Variants in HIKESHI observed in about 807,000 individuals in gnomAD.
HIKESHI encodes the protein heat shock protein nuclear import factor hikeshi.
A neutral mutation model predicts 25.7 loss-of-function variants in HIKESHI; 13 were observed. That is an observed-to-expected ratio of 0.51 (90% CI 0.33 to 0.80). The LOEUF (loss-of-function observed/expected upper bound fraction) is 0.80. Among genes scored for constraint, HIKESHI ranks in the 30% least tolerant of loss-of-function variants. The pLI is 0.02. For synonymous variants in HIKESHI, 76 were observed against 78.7 expected, an observed-to-expected ratio of 0.97 and a Z score of 0.18; for missense variants, 174 against 229.5, an observed-to-expected ratio of 0.76 and a Z score of 1.56.
chr11:86,340,865 G>A (rs1030167847), intron 3 of HIKESHI, among the ~76,000 whole-genome samples: 5 of 152,074 alleles, frequency 3.3e-5, no homozygotes, highest in African/African-American at 7.2e-5. Flanking sequence ...GGCTGGTCTT[G>A]AACTCCTGAC....
rs71040229 is a variant in HIKESHI, at chr11:86,316,771, C to CTTTTTTTTTTTT, written c.268+10318_268+10329dup. Among the ~76,000 whole-genome samples, 65 of 68,782 alleles carry CTTTTTTTTTTTT rather than the reference C, an allele frequency of 9.5e-4. 12 individuals are homozygous for CTTTTTTTTTTTT. Among genetic ancestry groups the CTTTTTTTTTTTT allele is most frequent in the Non-Finnish European group, 1.3e-3 (50 of 37,480 alleles). 45.1% of individuals were successfully genotyped at this position (68,782 alleles called of 152,430 possible). A position where few individuals can be genotyped will look rare whatever the true frequency, so the allele number is the denominator to read the frequency against. On this transcript the variant is annotated intron_variant, in intron 2 of 4. Transcript: ENST00000278483. ...TTATGAGTAATGAATCTGAAACATT[C>CTTTTTTTTTTTT]TTTTTTTTTTTTTTTTTTTTTTTTT... is the stretch of plus-strand genomic sequence containing the variant.
intron 1 of HIKESHI, 102 bp downstream of exon 1, chr11:86,302,580 C>CCCAAA: frequency 7.2e-7 from 1 of 1,385,230 alleles, no homozygotes; most frequent in Non-Finnish European, 9.9e-7. Context: ...GGGAAGCCCA[C>CCCAAA]TTATTATATT....
chr11:86,315,339 T>TTGA (rs1565726033), intron 2 of HIKESHI, among the ~76,000 whole-genome samples: 3 of 151,598 alleles, frequency 2.0e-5, no homozygotes, highest in African/African-American at 4.8e-5. Context: ...TTTTTTTTTT[T>TTGA]GAGTCAGTTT....
intron 2 of HIKESHI, among the ~76,000 whole-genome samples, chr11:86,331,222 G>A (rs553247839): frequency 3.3e-5 from 5 of 152,276 alleles, no homozygotes; most frequent in Admixed American, 2.6e-4. Context: ...AGGTGCAGTG[G>A]CTCACGCTTG....
intron 2 of HIKESHI, among the ~76,000 whole-genome samples, chr11:86,314,943 A>C (rs115014387): frequency 1.6e-3 from 248 of 152,302 alleles, no homozygotes; most frequent in African/African-American, 5.4e-3. Context: ...TAAGTTCCCA[A>C]ATGTTTGTGT....
intron 3 of HIKESHI, among the ~76,000 whole-genome samples, chr11:86,338,863 C>A (rs185213562): frequency 6.6e-6 from 1 of 151,894 alleles, no homozygotes; most frequent in Non-Finnish European, 1.5e-5. Context: ...AAATGTTATC[C>A]CTGGAGAAGG....
At chr11:86,341,342 T>C (rs995652313) in intron 3 of HIKESHI, among the ~76,000 whole-genome samples, 17 of 92,610 alleles carry the variant, frequency 1.8e-4, no homozygotes, top group African/African-American at 6.7e-4. Context: ...TAATTTTTCA[T>C]TTTTCCTCAT....
chr11:86,320,674 T>C (rs1947123347), intron 2 of HIKESHI, among the ~76,000 whole-genome samples: 1 of 152,236 alleles, frequency 6.6e-6, no homozygotes, highest in African/African-American at 2.4e-5. Flanking sequence ...ATTTGAAGTG[T>C]ACAGTTTGAT....
chr11:86,339,855 C>T (rs535738071), intron 3 of HIKESHI, among the ~76,000 whole-genome samples: 4 of 152,200 alleles, frequency 2.6e-5, no homozygotes, highest in Non-Finnish European at 5.9e-5. Context: ...ATTAACTCGT[C>T]ATTTACATTA....
chr11:86,334,471 T>G (rs1947496997), intron 2 of HIKESHI, among the ~76,000 whole-genome samples: 1 of 152,164 alleles, frequency 6.6e-6, no homozygotes, highest in African/African-American at 2.4e-5. Flanking sequence ...AACAGTGTTT[T>G]AAAGAACTTG....
At chr11:86,330,565 T>C (rs560805767) in intron 2 of HIKESHI, among the ~76,000 whole-genome samples, 4 of 152,304 alleles carry the variant, frequency 2.6e-5, no homozygotes, top group Non-Finnish European at 4.4e-5. Flanking sequence ...CTCACTTTTA[T>C]TTTGATTTAA....
chr11:86,335,420 T>C (rs1373431906), intron 2 of HIKESHI, among the ~76,000 whole-genome samples: 1 of 152,194 alleles, frequency 6.6e-6, no homozygotes, highest in Non-Finnish European at 1.5e-5. Flanking sequence ...TGAAATTCTC[T>C]GACATATTCT....
intron 2 of HIKESHI, chr11:86,326,781 A>G (rs1947292919): frequency 6.9e-6 from 2 of 291,376 alleles, no homozygotes; most frequent in Non-Finnish European, 1.4e-5. Flanking sequence ...GACAGTGAGG[A>G]GGAGACTTTT....
At chr11:86,322,471 GTATA>G (rs1342743828) in intron 2 of HIKESHI, among the ~76,000 whole-genome samples, 1 of 151,950 alleles carries the variant, frequency 6.6e-6, no homozygotes, top group South Asian at 2.1e-4. Flanking sequence ...ATGTACATGT[GTATA>G]TATATTCTTG....
At chr11:86,315,960 C>T (rs1593825572) in intron 2 of HIKESHI, among the ~76,000 whole-genome samples, 1 of 151,896 alleles carries the variant, frequency 6.6e-6, no homozygotes, top group East Asian at 1.9e-4. Context: ...TATTGATTCT[C>T]CTTACAAGTA....
intron 4 of HIKESHI, chr11:86,345,043 T>C: frequency 1.2e-6 from 1 of 809,440 alleles, no homozygotes; most frequent in Non-Finnish European, 1.6e-6. Flanking sequence ...TACTGCACTG[T>C]GTACATGAAT....
At position 86,315,075 on chromosome 11, in the gene HIKESHI, T is replaced by C. The variant is rs564186979; in HGVS notation, c.268+8593T>C. Among the ~76,000 whole-genome samples the C allele has an allele frequency of 2.0e-5, 3 of 152,362 alleles. No homozygotes were observed. The South Asian group carries it at 6.2e-4, about 32-fold the overall frequency. On this transcript the variant is annotated intron_variant, in intron 2 of 4. Transcript: ENST00000278483. ...TAAGATGGTAGTGTCTCTTAAATCA[T>C]TTTTTATTCTTCGCTTTGGTTGTGC...
intron 2 of HIKESHI, among the ~76,000 whole-genome samples, chr11:86,322,231 C>G (rs1947168113): frequency 6.6e-6 from 1 of 152,174 alleles, no homozygotes; most frequent in Non-Finnish European, 1.5e-5. Flanking sequence ...AAGTGATACA[C>G]CCACCTCAGC....
intron 2 of HIKESHI, among the ~76,000 whole-genome samples, chr11:86,309,506 C>A (rs1194987234): frequency 6.6e-6 from 1 of 152,106 alleles, no homozygotes; most frequent in Non-Finnish European, 1.5e-5. Context: ...AAAATTTTCT[C>A]CCATTCTGTG....
Sources: gnomAD v4.1 joint callset for allele counts (sites outside exome capture counted in the v4.1 genomes callset) on GRCh38, gnomAD v4.1.1 for gene constraint, MANE v1.5 for transcripts, NCBI Gene and HGNC (gene_info 2026-07-23, HGNC 2026-07-21) for gene names.